ATL1: variants seen among roughly 807,000 people sequenced by gnomAD.
ATL1 encodes the protein atlastin GTPase 1, also known as atlastin-1.
A neutral mutation model predicts 75.5 loss-of-function variants in ATL1; 31 were observed. The observed-to-expected ratio is 0.41, with a 90% confidence interval of 0.31 to 0.55. ATL1 has a LOEUF of 0.55. Among genes scored for constraint, ATL1 ranks in the 20% least tolerant of loss-of-function variants. ATL1 has a pLI of 0.27. For synonymous variants in ATL1, 226 were observed against 233.3 expected (o/e 0.97, Z 0.28); for missense variants, 405 against 662.6 (o/e 0.61, Z 4.27).
chr14:50,534,816 G>A (rs1474817308), intron 1 of ATL1, among the ~76,000 whole-genome samples: 1 of 152,210 alleles, frequency 6.6e-6, no homozygotes, highest in Non-Finnish European at 1.5e-5. Flanking sequence ...TACTGGTTGA[G>A]TTAATTTTAA....
At position 50,541,825 on chromosome 14, in the gene ATL1, G is replaced by A. The variant is rs896147699; in HGVS notation, c.-140+8458G>A. Among the ~76,000 whole-genome samples the A allele has an allele frequency of 2.6e-5, 4 of 151,560 alleles. No individual in the cohort carries two copies. The East Asian group carries it at 5.8e-4, about 22-fold the overall frequency. On this transcript the variant is annotated intron_variant, in intron 1 of 13. Transcript: ENST00000441560. ...CACGAGGTCAGGAGATTGAGATCAC[G>A]GTGAAACCCCATCTCTCTAAAAATA...
At chr14:50,546,022 A>G (rs1264611888) in intron 1 of ATL1, among the ~76,000 whole-genome samples, 2 of 152,138 alleles carry the variant, frequency 1.3e-5, no homozygotes, top group Non-Finnish European at 2.9e-5. Context: ...TTGAAATCAA[A>G]CTCACTGTTT....
chr14:50,544,547 C>T (rs184230253), intron 1 of ATL1, among the ~76,000 whole-genome samples: 42 of 152,284 alleles, frequency 2.8e-4, no homozygotes, highest in Non-Finnish European at 4.9e-4. Context: ...AAGACACAGA[C>T]ATGACTTATT....
intron 8 of ATL1, among the ~76,000 whole-genome samples, chr14:50,617,215 C>A (rs1255039808): frequency 6.6e-6 from 1 of 152,102 alleles, no homozygotes; most frequent in Non-Finnish European, 1.5e-5. Context: ...TTAAATTTAA[C>A]TACTGTTAAT....
In ATL1 at chr14:50,591,556, A is replaced by T. The variant is rs2039158340; in HGVS notation, c.439A>T (p.Thr147Ser). The part of the protein sequence containing the change: ...GKKVAVLLMD[T>S]QGTFDSQSTL... ...GTAGGTTGCAGTGTTATTGATGGAT[A>T]CTCAGGGAACCTTTGATAGTCAGTC... Residue 147 changes from threonine to serine, a missense_variant, in exon 4 of 14, where the codon ACT (threonine) becomes TCT (serine). Transcript: ENST00000358385. 6.2e-7 allele frequency: 1 copy of T among 1,613,520 alleles called. No homozygotes were observed.
intron 1 of ATL1, among the ~76,000 whole-genome samples, chr14:50,547,811 A>G (rs2038652957): frequency 6.6e-6 from 1 of 152,220 alleles, no homozygotes; most frequent in African/African-American, 2.4e-5. Context: ...CTTTTCCAGT[A>G]TTCCTTTAGT....
At chr14:50,548,361 A>C (rs1297239215) in intron 1 of ATL1, among the ~76,000 whole-genome samples, 4 of 152,146 alleles carry the variant, frequency 2.6e-5, no homozygotes, top group African/African-American at 9.7e-5. Context: ...TGAGAAAGCA[A>C]AAATATTGGT....
At position 50,588,002 on chromosome 14, in the gene ATL1, C is replaced by T. The variant is rs2140201934; in HGVS notation, c.206C>T (p.Ala69Val). 2 of 1,614,142 alleles carry T rather than the reference C, an allele frequency of 1.2e-6. No individual in the cohort carries two copies. Reference sequence around the variant, plus strand: ...GCTGTCAGAGACAAGGAGGTTGTTGCTGTATCTGTTGCTGGAGCATTTAGA... The same window carrying T: ...GCTGTCAGAGACAAGGAGGTTGTTGTTGTATCTGTTGCTGGAGCATTTAGA... ...SEAVRDKEVV[A>V]VSVAGAFRKG... The change falls in exon 2 of 14, where the codon GCT (alanine) becomes GTT (valine). Residue 69 changes from alanine (A) to valine (V), a missense_variant. Physicochemically the swap from Ala to Val is moderately conservative, Grantham distance 64. Around this residue, in one of 5 missense-constraint regions of ATL1, gnomAD observed 126 missense variants for 172.0 expected, o/e 0.73. Coordinates refer to ENST00000358385, the MANE Select transcript of ATL1 (RefSeq NM_015915.5).
Position 50,623,295 on chromosome 14 carries a change from C to G in ATL1, c.1119+47C>G, listed in dbSNP as rs779222999. 6 of 1,436,528 alleles carry G rather than the reference C, an allele frequency of 4.2e-6. No homozygotes were observed. In the South Asian group the frequency reaches 5.9e-5, roughly 14 times the overall value. The allele number at this position is 1,436,528 out of a possible 1,614,324, so 89.0% of individuals were successfully genotyped here. A position where few individuals can be genotyped will look rare whatever the true frequency, so the allele number is the denominator to read the frequency against. ...TTCTGTCTTAAACAAAACCAGTATC[C>G]TTCATGCAACTCATTCTCTTTTTTC... On this transcript the variant is annotated intron_variant, in intron 11 of 13. Transcript: ENST00000358385.
intron 13 of ATL1, chr14:50,630,947 C>T (rs1188453925): frequency 4.4e-6 from 2 of 455,454 alleles, no homozygotes; most frequent in African/African-American, 4.0e-5. Flanking sequence ...AAGATGGTAC[C>T]ATACAGACGT....
intron 1 of ATL1, among the ~76,000 whole-genome samples, chr14:50,571,413 G>A (rs73291703): frequency 6.8e-4 from 103 of 152,218 alleles, no homozygotes; most frequent in African/African-American, 2.2e-3. Context: ...CTTATCCCTG[G>A]AAGTTTCAAG....
At chr14:50,630,246 T>C (rs1404448157) in intron 13 of ATL1, among the ~76,000 whole-genome samples, 2 of 152,238 alleles carry the variant, frequency 1.3e-5, no homozygotes, top group African/African-American at 4.8e-5. Flanking sequence ...TTGAATATCA[T>C]CAGTATTTGT....
intron 8 of ATL1, among the ~76,000 whole-genome samples, chr14:50,618,629 T>C (rs1227261387): frequency 6.6e-6 from 1 of 152,104 alleles, no homozygotes; most frequent in Admixed American, 6.6e-5. Flanking sequence ...GTAGCCCCAA[T>C]GTTATAACTG....
At chr14:50,553,035 C>A (rs1177311753) in intron 1 of ATL1, among the ~76,000 whole-genome samples, 1 of 152,132 alleles carries the variant, frequency 6.6e-6, no homozygotes, top group Admixed American at 6.5e-5. Flanking sequence ...TGGCTCACGC[C>A]TGTAATCTCA....
At chr14:50,630,839 G>GA (rs1385560967) in intron 13 of ATL1, 10 of 361,506 alleles carry the variant, frequency 2.8e-5, no homozygotes, top group Non-Finnish European at 4.4e-5. Context: ...CAAAGCTTAA[G>GA]AAAAAATATA....
chr14:50,560,786 G>T (rs2038832325), intron 1 of ATL1, among the ~76,000 whole-genome samples: 1 of 152,176 alleles, frequency 6.6e-6, no homozygotes, highest in Non-Finnish European at 1.5e-5. Context: ...CCGGCGGCGG[G>T]CGGCGGGCGG....
chr14:50,560,096 C>T (rs1216576439), upstream of ATL1: 17 of 719,886 alleles, frequency 2.4e-5, no homozygotes, highest in South Asian at 1.2e-4. Flanking sequence ...CTGCTTTCTC[C>T]TCCCTTTTCC....
intron 1 of ATL1, among the ~76,000 whole-genome samples, chr14:50,582,437 T>C (rs938640559): frequency 1.3e-5 from 2 of 148,828 alleles, no homozygotes; most frequent in Admixed American, 1.3e-4. Context: ...TAAGACGGAG[T>C]CTCACTCTGT....
chr14:50,612,633 T>G (rs1809574709), intron 6 of ATL1, among the ~76,000 whole-genome samples: 8 of 152,160 alleles, frequency 5.3e-5, no homozygotes, highest in Admixed American at 5.2e-4. Flanking sequence ...CAGTTCTACT[T>G]TTTATAAAAC....
Sources: allele counts gnomAD v4.1 joint callset (sites outside exome capture counted in the v4.1 genomes callset), GRCh38; gene constraint gnomAD v4.1.1; regional missense constraint gnomAD v4.1.1; transcripts MANE v1.5; gene names NCBI Gene and HGNC (gene_info 2026-07-23, HGNC 2026-07-21).